Variants in PRKG1 observed in about 807,000 individuals in gnomAD.
PRKG1 encodes the protein cGMP-dependent protein kinase 1.
Under a neutral mutation model 88.1 loss-of-function variants are expected in PRKG1, and 35 were observed. The observed-to-expected ratio is 0.40, with a 90% CI of 0.30 to 0.53. PRKG1 has a LOEUF of 0.53. Ranked by LOEUF, PRKG1 falls within the 20% of genes least tolerant of loss-of-function variation. PRKG1 has a pLI of 0.59. For synonymous variants in PRKG1, 303 were observed against 292.5 expected (o/e 1.04, Z -0.37); for missense variants, 540 against 839.8 (o/e 0.64, Z 4.41).
rs147805031 is a variant in PRKG1, at chr10:51,854,831, A to T, written c.698+50141A>T. Among the ~76,000 whole-genome samples the T allele has an allele frequency of 5.4e-3, 824 of 152,254 alleles. 10 individuals carry two copies. The highest frequency in any genetic ancestry group is 0.018 in the African/African-American group (761 of 41,534). ...AACGAGTTTATAAATTAAGAAAATA[A>T]ATATAAATGTGCAAAAAATGTGCAA... On this transcript the variant is annotated intron_variant, in intron 4 of 17. Transcript: ENST00000373980.
At chr10:51,177,564 A>G (rs1433741794) in intron 2 of PRKG1, among the ~76,000 whole-genome samples, 1 of 152,142 alleles carries the variant, frequency 6.6e-6, no homozygotes, top group Non-Finnish European at 1.5e-5. Context: ...TGACATTAAT[A>G]ACCACCACTA....
At chr10:51,556,516 A>T (rs1837315928) in intron 3 of PRKG1, among the ~76,000 whole-genome samples, 1 of 152,016 alleles carries the variant, frequency 6.6e-6, no homozygotes, top group South Asian at 2.1e-4. Flanking sequence ...GGAAATGAAA[A>T]TGTCTTATAT....
intron 2 of PRKG1, among the ~76,000 whole-genome samples, chr10:51,426,527 A>G (rs1588947184): frequency 1.3e-5 from 2 of 152,346 alleles, no homozygotes; most frequent in East Asian, 3.9e-4. Context: ...ACAGATTGCT[A>G]GAGATAGAGA....
At position 52,251,669 on chromosome 10, in the gene PRKG1, A is replaced by G. The variant is rs1405143204; in HGVS notation, c.1173+3A>G. 1.6e-5 allele frequency: 25 copies of G among 1,607,626 alleles called. No individual in the cohort carries two copies. The Admixed American group carries it at 4.2e-4, about 27-fold the overall frequency. On this transcript the variant is annotated splice_donor_region_variant and intron_variant, in intron 10 of 17. Transcript: ENST00000373980. The stretch of plus-strand genomic sequence containing the variant: ...GAGGTTTCGGACGAGTAGAACTGGT[A>G]GGTGATTGTTCTTTAAATGCTTTTG...
At chr10:51,125,618 G>A (rs901748475) in intron 1 of PRKG1, among the ~76,000 whole-genome samples, 1 of 148,948 alleles carries the variant, frequency 6.7e-6, no homozygotes, top group East Asian at 1.9e-4. Flanking sequence ...GGAGGCAGAG[G>A]TTACAGTGAG....
intron 1 of PRKG1, among the ~76,000 whole-genome samples, chr10:51,043,706 T>C (rs1843453815): frequency 6.6e-6 from 1 of 152,156 alleles, no homozygotes. Context: ...TGTTTGCTTT[T>C]TTTTCTCACT....
chr10:51,030,647 G>C (rs1843270485), intron 1 of PRKG1, among the ~76,000 whole-genome samples: 1 of 152,138 alleles, frequency 6.6e-6, no homozygotes, highest in East Asian at 1.9e-4. Context: ...TGGGTCATGG[G>C]AGGGGATCCT....
Position 50,991,258 on chromosome 10 carries a change from T to C in PRKG1, c.-121T>C, listed in dbSNP as rs1243763420. 7.2e-7 allele frequency: 1 copy of C among 1,384,642 alleles called. No individual in the cohort carries two copies. The highest frequency in any genetic ancestry group is 1.5e-5 in the African/African-American group (1 of 64,608). 85.8% of individuals were successfully genotyped at this position (1,384,642 alleles called of 1,614,324 possible). A position where few individuals can be genotyped will look rare whatever the true frequency, so the allele number is the denominator to read the frequency against. On this transcript the variant is annotated 5_prime_UTR_variant, in exon 1 of 18. Coordinates refer to the PRKG1 transcript ENST00000401604. This position sits in a 1 kb window ranked among gnomAD's most constrained non-coding sequence, Gnocchi z 4.5. ...GGCGCACTCCGCCGCGCTCGAGTAC[T>C]TAGCGCCCATTCACTCGCTCACCCG... is the stretch of plus-strand genomic sequence containing the variant.
intron 16 of PRKG1, among the ~76,000 whole-genome samples, 155 bp from the exon 17 acceptor site, chr10:52,290,069 T>C (rs1212921872): frequency 6.6e-6 from 1 of 152,216 alleles, no homozygotes; most frequent in Non-Finnish European, 1.5e-5. Context: ...TAAAATAAAC[T>C]ATTAGGAAAA....
intron 2 of PRKG1, among the ~76,000 whole-genome samples, chr10:51,335,435 T>TA (rs942808936): frequency 3.3e-5 from 5 of 152,192 alleles, no homozygotes; most frequent in Admixed American, 3.3e-4. Context: ...AAATATTACT[T>TA]ACCAAAATAT....
chr10:51,051,758 G>A (rs1843564696), intron 1 of PRKG1, among the ~76,000 whole-genome samples: 1 of 152,074 alleles, frequency 6.6e-6, no homozygotes, highest in South Asian at 2.1e-4. Context: ...ACACTGGCCT[G>A]CTATCACCTA....
chr10:51,331,569 G>T (rs901900370), intron 2 of PRKG1, among the ~76,000 whole-genome samples: 1 of 152,202 alleles, frequency 6.6e-6, no homozygotes, highest in African/African-American at 2.4e-5. Flanking sequence ...GCAACCTGAG[G>T]TTGGGGGAGG....
At chr10:51,048,564 C>T (rs1244358689) in intron 1 of PRKG1, among the ~76,000 whole-genome samples, 1 of 152,112 alleles carries the variant, frequency 6.6e-6, no homozygotes, top group Non-Finnish European at 1.5e-5. Context: ...GCAACTACAC[C>T]CACTTCCCAA....
intron 3 of PRKG1, among the ~76,000 whole-genome samples, chr10:51,685,220 G>T (rs1416388121): frequency 1.3e-5 from 2 of 152,136 alleles, no homozygotes; most frequent in Non-Finnish European, 2.9e-5. Flanking sequence ...GACAGTAAGG[G>T]CTTGGAAGTC....
chr10:51,662,914 G>A (rs1393276348), intron 3 of PRKG1, among the ~76,000 whole-genome samples: 2 of 152,066 alleles, frequency 1.3e-5, no homozygotes, highest in South Asian at 4.1e-4. Flanking sequence ...TGGAATGTTA[G>A]GAGTAGCACT....
intron 2 of PRKG1, among the ~76,000 whole-genome samples, chr10:51,431,204 A>G (rs888898214): frequency 6.6e-6 from 1 of 152,184 alleles, no homozygotes; most frequent in Admixed American, 6.5e-5. Context: ...GGCTATACCC[A>G]TGGGATTTTA....
At chr10:51,487,887 G>A (rs917937544) in intron 3 of PRKG1, among the ~76,000 whole-genome samples, 3 of 152,186 alleles carry the variant, frequency 2.0e-5, no homozygotes, top group African/African-American at 7.2e-5. Flanking sequence ...TTTGGAGACT[G>A]TAGAGAGATG....
At chr10:52,063,087 T>G (rs1005243364) in intron 7 of PRKG1, among the ~76,000 whole-genome samples, 7 of 152,046 alleles carry the variant, frequency 4.6e-5, no homozygotes, top group African/African-American at 1.7e-4. Flanking sequence ...TCACCTGAGT[T>G]TTGCTTGGGC....
intron 3 of PRKG1, among the ~76,000 whole-genome samples, chr10:51,777,218 A>G (rs1365335329): frequency 6.6e-6 from 1 of 152,142 alleles, no homozygotes; most frequent in African/African-American, 2.4e-5. Context: ...ATTTACAGAA[A>G]TAATCTTTCA....
Sources: gnomAD v4.1 joint callset for allele counts (sites outside exome capture counted in the v4.1 genomes callset) on GRCh38, gnomAD v4.1.1 for gene constraint, Gnocchi (gnomAD v3.1) non-coding constraint, MANE v1.5 for transcripts, NCBI Gene and HGNC (gene_info 2026-07-23, HGNC 2026-07-21) for gene names.